ATG4B: variants seen among roughly 807,000 people sequenced by gnomAD.
ATG4B encodes cysteine protease ATG4B.
Under a neutral mutation model 56.6 loss-of-function variants are expected in ATG4B, and 29 were observed. The observed-to-expected ratio is 0.51, with a 90% CI of 0.38 to 0.70. The LOEUF (loss-of-function observed/expected upper bound fraction) is 0.70, where lower values mean the gene tolerates loss of function less well. Among genes scored for constraint, ATG4B ranks in the 30% least tolerant of loss-of-function variants. ATG4B has a pLI of 0.00. For synonymous variants in ATG4B, 224 were observed against 206.1 expected, an observed-to-expected ratio of 1.09 and a Z score of -0.74; for missense variants, 461 against 515.5, an observed-to-expected ratio of 0.89 and a Z score of 1.02.
intron 1 of ATG4B, among the ~76,000 whole-genome samples, chr2:241,642,463 C>A (rs1054907783): frequency 3.9e-5 from 6 of 152,020 alleles, no homozygotes; most frequent in African/African-American, 1.2e-4. Context: ...AAAGAAGAAC[C>A]TTTGTTGAAT....
chr2:241,645,925 T>C (rs2068047822), intron 1 of ATG4B, among the ~76,000 whole-genome samples: 1 of 152,100 alleles, frequency 6.6e-6, no homozygotes, highest in Non-Finnish European at 1.5e-5. Flanking sequence ...GAGCCCTCCT[T>C]AGGGACCTCA....
At position 241,647,357 on chromosome 2, in the gene ATG4B, G is replaced by A. The variant is rs142465756; in HGVS notation, c.11-3653G>A. 6.8e-3 allele frequency among the ~76,000 whole-genome samples: 1,015 copies of A among 149,496 alleles called. 17 individuals carry two copies. The highest frequency in any genetic ancestry group is 0.024 in the African/African-American group (961 of 40,696). ...GTGGTGGCCAGGCGCAGTGGCTCAC[G>A]CCTGTAATCCCAGCACTTTGGGAGG... On this transcript the variant is annotated intron_variant, in intron 1 of 12. Coordinates refer to ENST00000404914, the MANE Select transcript of ATG4B (RefSeq NM_013325.5).
At position 241,673,801 on chromosome 2, in the gene ATG4B, TTAG is replaced by T. The variant is rs996119980; in HGVS notation, c.*1543_*1545del. 3 of 449,468 alleles carry T rather than the reference TTAG, an allele frequency of 6.7e-6. No individual in the cohort carries two copies. The highest frequency in any genetic ancestry group is 2.0e-5 in the African/African-American group (1 of 50,032). The allele number at this position is 449,468 out of a possible 1,614,324, so 27.8% of individuals were successfully genotyped here. ...TTAATGAAGAGAATGTTGTTCATTC[TTAG>T]TAGTATAGTTTGCAATTCTTAATGG... On this transcript the variant is annotated 3_prime_UTR_variant, in exon 13 of 13. Coordinates refer to ENST00000404914, the MANE Select transcript of ATG4B (RefSeq NM_013325.5).
At chr2:241,652,720 G>C (rs1004135297) in intron 3 of ATG4B, among the ~76,000 whole-genome samples, 2 of 152,158 alleles carry the variant, frequency 1.3e-5, no homozygotes, top group African/African-American at 4.8e-5. Flanking sequence ...GTGACCATGG[G>C]CACTGCTGAT....
intron 4 of ATG4B, 125 bp from the exon 5 acceptor site, chr2:241,654,419 TAA>T (rs201525288): frequency 0.21 from 88,088 of 428,792 alleles, 1,726 homozygotes; most frequent in African/African-American, 0.22. Flanking sequence ...AGACTCTGTT[TAA>T]AAAAAAAAAA....
At chr2:241,671,694 A>G in intron 12 of ATG4B, 1 of 1,362,058 alleles carries the variant, frequency 7.3e-7, no homozygotes, top group South Asian at 1.5e-5. Context: ...AGCAGACAGA[A>G]CATGCAGGCT....
At chr2:241,663,823 T>TTG (rs2068666831) in intron 7 of ATG4B, among the ~76,000 whole-genome samples, 1 of 151,698 alleles carries the variant, frequency 6.6e-6, no homozygotes, top group African/African-American at 2.4e-5. Flanking sequence ...TTTTTTTTTT[T>TTG]TTTTGGAACA....
chr2:241,655,020 T>C (rs1194710511), intron 5 of ATG4B: 6 of 582,404 alleles, frequency 1.0e-5, no homozygotes, highest in Middle Eastern at 9.1e-4. Context: ...TTTTGAGCAC[T>C]GTGTTTTCAC....
chr2:241,658,245 G>A (rs957941731), intron 6 of ATG4B, among the ~76,000 whole-genome samples: 4 of 151,882 alleles, frequency 2.6e-5, no homozygotes, highest in Non-Finnish European at 4.4e-5. Context: ...GTGGGGCGGG[G>A]AAGCAGGCTG....
chr2:241,649,029 A>G (rs543438591), intron 1 of ATG4B, among the ~76,000 whole-genome samples: 25 of 152,334 alleles, frequency 1.6e-4, no homozygotes, highest in African/African-American at 2.9e-4. Context: ...CGTCACACCC[A>G]TATGCTGAGG....
At chr2:241,659,292 GC>G in intron 7 of ATG4B, 105 bp downstream of exon 7, 1 of 1,010,692 alleles carries the variant, frequency 9.9e-7, no homozygotes, top group Non-Finnish European at 1.5e-6. Flanking sequence ...GTTGTCAGTC[GC>G]CCCATGCCGT....
At chr2:241,671,971 G>T in intron 12 of ATG4B, 6 of 1,403,560 alleles carry the variant, frequency 4.3e-6, no homozygotes, top group Non-Finnish European at 5.5e-6. Context: ...TGTGCCGGCC[G>T]CCCCCTGCCC....
intron 1 of ATG4B, among the ~76,000 whole-genome samples, chr2:241,642,339 CTGTTT>C (rs1230773293): frequency 6.6e-6 from 1 of 152,022 alleles, no homozygotes; most frequent in African/African-American, 2.4e-5. Context: ...CTCTCTTTCT[CTGTTT>C]TCATTCAGGA....
rs1049252576 is a variant in ATG4B at position 241,672,758 on chromosome 2, G to A, written c.*494G>A. ...GGACTGGGCTGCTCTCGAGGGGGGCGCGCCCACCGCTGTGTCCTCTCTGCC... is the reference window on the plus strand; with the variant it reads ...GGACTGGGCTGCTCTCGAGGGGGGCACGCCCACCGCTGTGTCCTCTCTGCC... On this transcript the variant is annotated 3_prime_UTR_variant, in exon 13 of 13. Coordinates refer to ENST00000404914, the MANE Select transcript of ATG4B (RefSeq NM_013325.5). 9.9e-5 allele frequency: 17 copies of A among 171,510 alleles called. No individual in the cohort carries two copies. The highest frequency in any genetic ancestry group is 2.9e-3 in the Middle Eastern group (1 of 350). The allele number at this position is 171,510 out of a possible 1,614,324, so 10.6% of individuals were successfully genotyped here.
chr2:241,673,819 A>G lies in ATG4B; in HGVS notation c.*1555A>G, dbSNP rs1241263059. 3 of 432,036 alleles carry G rather than the reference A, an allele frequency of 6.9e-6. No individual in the cohort carries two copies. The highest frequency in any genetic ancestry group is 1.4e-5 in the Non-Finnish European group (3 of 209,652). The allele number at this position is 432,036 out of a possible 1,614,324, so 26.8% of individuals were successfully genotyped here. ...TTCATTCTTAGTAGTATAGTTTGCAATTCTTAATGGCAAATAATAAGTTTC... is the reference window on the plus strand; with the variant it reads ...TTCATTCTTAGTAGTATAGTTTGCAGTTCTTAATGGCAAATAATAAGTTTC... On this transcript the variant is annotated 3_prime_UTR_variant, in exon 13 of 13. Coordinates refer to ENST00000404914, the MANE Select transcript of ATG4B (RefSeq NM_013325.5).
rs2125146992 is a variant in ATG4B, at chr2:241,668,555, A to T, written c.827A>T (p.Tyr276Phe). 6.2e-7 allele frequency: 1 copy of T among 1,609,138 alleles called. No individual in the cohort carries two copies. The highest frequency in any genetic ancestry group is 8.5e-7 in the Non-Finnish European group (1 of 1,179,194). ...ATCCTCCCAGGTGAGGAGCTCATCTACCTGGACCCCCACACCACGCAGCCA... is the reference window on the plus strand; with the variant it reads ...ATCCTCCCAGGTGAGGAGCTCATCTTCCTGGACCCCCACACCACGCAGCCA... ...FIGYVGEELIYLDPHTTQPAV... is the reference protein window; with the variant it reads ...FIGYVGEELIFLDPHTTQPAV... The change falls in exon 10 of 13, where the codon TAC (tyrosine) becomes TTC (phenylalanine). Residue 276 changes from tyrosine to phenylalanine, a missense_variant. Tyr to Phe is a conservative substitution (Grantham distance 22, BLOSUM62 3). Coordinates refer to ENST00000404914, the MANE Select transcript of ATG4B (RefSeq NM_013325.5). The surrounding 1 kb of genome is among the most constrained non-coding windows in gnomAD (Gnocchi z 4.2).
rs753456057 is a variant in ATG4B, at chr2:241,659,234, C to T, written c.538+47C>T. The T allele has an allele frequency of 6.5e-7, 1 of 1,528,532 alleles. No individual in the cohort carries two copies. The highest frequency in any genetic ancestry group is 1.4e-5 in the African/African-American group (1 of 73,314). 94.7% of individuals were successfully genotyped at this position (1,528,532 alleles called of 1,614,324 possible). ...TGGACAAGAAAGTTGAAATCACGGG[C>T]AACATACACACTTCCTCGCCTGAGT... On this transcript the variant is annotated intron_variant, in intron 7 of 12. Coordinates refer to ENST00000404914, the MANE Select transcript of ATG4B (RefSeq NM_013325.5).
rs772915094 is a variant in ATG4B at position 241,652,024 on chromosome 2, G to A, written c.184+689G>A. 9 of 1,266,140 alleles carry A rather than the reference G, an allele frequency of 7.1e-6. No individual in the cohort carries two copies. In the South Asian group the frequency reaches 1.1e-4, roughly 16 times the overall value. 78.4% of individuals were successfully genotyped at this position (1,266,140 alleles called of 1,614,324 possible). A position where few individuals can be genotyped will look rare whatever the true frequency, so the allele number is the denominator to read the frequency against. ...TTCCTCAGTGCCAGGTCAGGGTTTG[G>A]TCCCTCTTCTAGGGGTGGTTTCATT... is the stretch of plus-strand genomic sequence containing the variant. On this transcript the variant is annotated intron_variant, in intron 3 of 12. Transcript: ENST00000404914.
At chr2:241,653,235 T>C in intron 3 of ATG4B, 1 of 1,098,488 alleles carries the variant, frequency 9.1e-7, no homozygotes, top group Non-Finnish European at 1.3e-6. Context: ...CGGGGGTCAG[T>C]GTCTTCATAT....
Sources: allele counts gnomAD v4.1 joint callset (sites outside exome capture counted in the v4.1 genomes callset), GRCh38; gene constraint gnomAD v4.1.1; non-coding constraint Gnocchi (gnomAD v3.1); transcripts MANE v1.5; gene names NCBI Gene and HGNC (gene_info 2026-07-23, HGNC 2026-07-21).